Variants in CSMD1 observed in about 807,000 individuals in gnomAD.
CSMD1 encodes CUB and sushi domain-containing protein 1.
A neutral mutation model predicts 417.5 loss-of-function variants in CSMD1; 213 were observed. The observed-to-expected ratio is 0.51, with a 90% confidence interval of 0.46 to 0.57. CSMD1 has a LOEUF of 0.57. Among genes scored for constraint, CSMD1 ranks in the 20% least tolerant of loss-of-function variants. CSMD1 has a pLI of 0.00. For missense variants in CSMD1, 6,923 were observed against 4,529.7 expected, an observed-to-expected ratio of 1.53 and a Z score of -15.17; for synonymous variants, 2,862 against 1,736.8, an observed-to-expected ratio of 1.65 and a Z score of -16.11.
chr8:3,649,150 T>G (rs1450160593), intron 7 of CSMD1, among the ~76,000 whole-genome samples: 3 of 152,276 alleles, frequency 2.0e-5, no homozygotes, highest in Middle Eastern at 3.4e-3. Context: ...AATGCAACCT[T>G]TATTTAGTCT....
At chr8:4,545,247 T>C (rs759543805) in intron 2 of CSMD1, among the ~76,000 whole-genome samples, 2 of 152,334 alleles carry the variant, frequency 1.3e-5, no homozygotes, top group Non-Finnish European at 2.9e-5. Context: ...CAGTAATGTA[T>C]AGTTACTTCA....
chr8:3,590,688 G>T (rs1201176833), intron 8 of CSMD1, among the ~76,000 whole-genome samples: 1 of 152,116 alleles, frequency 6.6e-6, no homozygotes, highest in South Asian at 2.1e-4. Flanking sequence ...ATTAACAGGA[G>T]CAACCTCTTC....
intron 2 of CSMD1, among the ~76,000 whole-genome samples, chr8:4,568,914 G>A (rs987168307): frequency 6.6e-6 from 1 of 152,076 alleles, no homozygotes; most frequent in African/African-American, 2.4e-5. Context: ...CAGCATAAAT[G>A]TCTTCTTTTG....
Position 4,771,323 on chromosome 8 carries a change from T to C in CSMD1, c.86-133765A>G, listed in dbSNP as rs537019575. On this transcript the variant is annotated intron_variant, in intron 1 of 69. Transcript: ENST00000635120. ...TAATTGTATTAAAGTTTCTCCCAGC[T>C]GACAATAAATAAGTCGATTAAAAAG... 3.6e-3 allele frequency among the ~76,000 whole-genome samples: 543 copies of C among 152,300 alleles called. 2 individuals carry two copies. Among genetic ancestry groups the C allele is most frequent in the African/African-American group, 0.013 (523 of 41,572 alleles).
intron 3 of CSMD1, among the ~76,000 whole-genome samples, chr8:4,186,204 A>T (rs1164539547): frequency 1.3e-5 from 2 of 152,128 alleles, no homozygotes; most frequent in Non-Finnish European, 2.9e-5. Flanking sequence ...ACATTGTGGA[A>T]CACTGGAAGC....
intron 1 of CSMD1, among the ~76,000 whole-genome samples, chr8:4,993,165 G>C (rs1811565185): frequency 6.6e-6 from 1 of 152,106 alleles, no homozygotes; most frequent in African/African-American, 2.4e-5. Flanking sequence ...AGAGAGGACG[G>C]GGAAATATTA....
chr8:3,963,735 CAA>C (rs1286868442), intron 5 of CSMD1, among the ~76,000 whole-genome samples: 1 of 152,054 alleles, frequency 6.6e-6, no homozygotes, highest in Non-Finnish European at 1.5e-5. Flanking sequence ...GATAGCAAAA[CAA>C]AAGCTATATG....
chr8:3,095,623 C>T (rs976687870), intron 47 of CSMD1, among the ~76,000 whole-genome samples: 5 of 152,156 alleles, frequency 3.3e-5, no homozygotes, highest in African/African-American at 1.2e-4. Flanking sequence ...AAAGTGAATA[C>T]AAACACACAT....
chr8:3,652,919 A>C (rs1166582735), intron 7 of CSMD1, among the ~76,000 whole-genome samples: 1 of 152,210 alleles, frequency 6.6e-6, no homozygotes, highest in Non-Finnish European at 1.5e-5. Context: ...CGAATGAATA[A>C]ATGAACACCA....
Position 4,209,160 on chromosome 8 carries a change from G to C in CSMD1, c.416-177061C>G, listed in dbSNP as rs144479958. On this transcript the variant is annotated intron_variant, in intron 3 of 69. Coordinates refer to ENST00000635120, the MANE Select transcript of CSMD1 (RefSeq NM_033225.6). ...CTATCTAAAACCAAAATCTGCCCTAGAGCCCAAGGTTCTTTCCAGATGTAG... is the reference window on the plus strand; with the variant it reads ...CTATCTAAAACCAAAATCTGCCCTACAGCCCAAGGTTCTTTCCAGATGTAG... 2.6e-3 allele frequency among the ~76,000 whole-genome samples: 397 copies of C among 152,174 alleles called. 2 individuals carry two copies. The highest frequency in any genetic ancestry group is 9.0e-3 in the African/African-American group (374 of 41,510).
chr8:4,120,232 G>C (rs980778288), intron 3 of CSMD1, among the ~76,000 whole-genome samples: 1 of 152,104 alleles, frequency 6.6e-6, no homozygotes, highest in Admixed American at 6.5e-5. Flanking sequence ...TTGGCTGACA[G>C]CCATGACTCC....
At chr8:2,946,841 C>G (rs1412847651) in intron 68 of CSMD1, among the ~76,000 whole-genome samples, 1 of 152,212 alleles carries the variant, frequency 6.6e-6, no homozygotes, top group Non-Finnish European at 1.5e-5. Flanking sequence ...TCACATTTCC[C>G]CAGCAAAGTA....
intron 2 of CSMD1, among the ~76,000 whole-genome samples, chr8:4,617,964 A>G (rs1801569786): frequency 6.6e-6 from 1 of 152,158 alleles, no homozygotes; most frequent in Admixed American, 6.5e-5. Flanking sequence ...ATTTCTTTTT[A>G]AAATATTTAT....
chr8:3,912,710 G>T (rs988525019), intron 5 of CSMD1, among the ~76,000 whole-genome samples: 2 of 152,150 alleles, frequency 1.3e-5, no homozygotes, highest in African/African-American at 4.8e-5. Flanking sequence ...GACAACTGAT[G>T]GGATGAAATG....
chr8:4,209,492 C>A (rs1302817190), intron 3 of CSMD1, among the ~76,000 whole-genome samples: 2 of 152,164 alleles, frequency 1.3e-5, no homozygotes, highest in Admixed American at 1.3e-4. Context: ...TTCCCTTAAC[C>A]TCACTCCCAT....
chr8:4,594,129 A>G (rs1003905415), intron 2 of CSMD1, among the ~76,000 whole-genome samples: 2 of 148,960 alleles, frequency 1.3e-5, no homozygotes, highest in Admixed American at 1.3e-4. Context: ...TTATAAGGAC[A>G]CTGGTCATGT....
chr8:2,939,100 G>A (rs1276041921), intron 69 of CSMD1, among the ~76,000 whole-genome samples: 4 of 152,176 alleles, frequency 2.6e-5, no homozygotes, highest in East Asian at 1.9e-4. Context: ...GGGTAACTGG[G>A]ATCAAAGATT....
chr8:3,897,933 T>C (rs571761457), intron 5 of CSMD1, among the ~76,000 whole-genome samples: 1 of 152,278 alleles, frequency 6.6e-6, no homozygotes, highest in African/African-American at 2.4e-5. Context: ...TGTTTAGATA[T>C]AGTTATATAA....
At chr8:4,136,422 C>G (rs975580353) in intron 3 of CSMD1, among the ~76,000 whole-genome samples, 1 of 152,132 alleles carries the variant, frequency 6.6e-6, no homozygotes, top group Non-Finnish European at 1.5e-5. Context: ...TAACATAAAA[C>G]TGGTTCTCAG....
Sources: gnomAD v4.1 joint callset for allele counts (sites outside exome capture counted in the v4.1 genomes callset) on GRCh38, gnomAD v4.1.1 for gene constraint, MANE v1.5 for transcripts, NCBI Gene and HGNC (gene_info 2026-07-23, HGNC 2026-07-21) for gene names.